Variants in MPPED2 observed in about 807,000 individuals in gnomAD.
MPPED2 encodes the protein metallophosphoesterase domain containing 2.
MPPED2 carries 5 observed loss-of-function variants against 33.0 expected under a neutral mutation model. That is an observed-to-expected ratio of 0.15 (90% CI 0.08 to 0.32). The LOEUF is 0.32. Among genes scored for constraint, MPPED2 ranks in the 10% least tolerant of loss-of-function variants. The probability of loss-of-function intolerance (pLI) is 1.00; values close to 1 mark genes in which losing one functional copy is unlikely to be tolerated. For synonymous variants in MPPED2, 136 were observed against 141.9 expected, an observed-to-expected ratio of 0.96 and a Z score of 0.29; for missense variants, 275 against 372.1, an observed-to-expected ratio of 0.74 and a Z score of 2.15.
At chr11:30,407,500 G>T (rs999658658), downstream of MPPED2, among the ~76,000 whole-genome samples, 3 of 152,142 alleles carry the variant, frequency 2.0e-5, no homozygotes, top group African/African-American at 7.2e-5. Context: ...GGCTTGTTAC[G>T]GTTCCTAAGC....
At chr11:30,541,114 A>G (rs1236194455) in intron 2 of MPPED2, among the ~76,000 whole-genome samples, 2 of 152,216 alleles carry the variant, frequency 1.3e-5, no homozygotes, top group African/African-American at 2.4e-5. Context: ...GGCCTGAGCT[A>G]TCATCTTAAA....
At chr11:30,560,421 A>G (rs1956188603) in intron 2 of MPPED2, among the ~76,000 whole-genome samples, 1 of 152,150 alleles carries the variant, frequency 6.6e-6, no homozygotes, top group South Asian at 2.1e-4. Context: ...AGTAAGCAGA[A>G]GTTGTCACAA....
intron 4 of MPPED2, among the ~76,000 whole-genome samples, chr11:30,441,909 G>A (rs1180627044): frequency 6.6e-6 from 1 of 152,190 alleles, no homozygotes; most frequent in African/African-American, 2.4e-5. Context: ...CTTCACAGGA[G>A]TGTAAGTTCC....
intron 4 of MPPED2, among the ~76,000 whole-genome samples, chr11:30,436,575 C>T (rs1196121878): frequency 6.6e-6 from 1 of 152,186 alleles, no homozygotes; most frequent in African/African-American, 2.4e-5. Context: ...AAGCACCTAC[C>T]GCACAAGGTC....
At chr11:30,473,870 C>T (rs151231248) in intron 4 of MPPED2, among the ~76,000 whole-genome samples, 8 of 152,320 alleles carry the variant, frequency 5.3e-5, no homozygotes, top group Admixed American at 2.0e-4. Context: ...TTCAGTCCAA[C>T]AACCTGTGAG....
In MPPED2 at chr11:30,505,312, C is replaced by A. The variant is rs544614643; in HGVS notation, c.311-9791G>T. Among the ~76,000 whole-genome samples the A allele has an allele frequency of 7.2e-5, 11 of 152,260 alleles. No individual in the cohort carries two copies. The South Asian group carries it at 2.1e-3, about 29-fold the overall frequency. ...ACACACGTACACACTCGCACATACT[C>A]ATTCACGCTTATATATATTTTTAAG... On this transcript the variant is annotated intron_variant, in intron 3 of 6. Coordinates refer to ENST00000358117, the MANE Select transcript of MPPED2 (RefSeq NM_001584.3).
chr11:30,520,214 TAA>T (rs982062744), intron 3 of MPPED2, among the ~76,000 whole-genome samples: 1 of 152,128 alleles, frequency 6.6e-6, no homozygotes, highest in Admixed American at 6.5e-5. Context: ...AAAAAAAATG[TAA>T]AAAATGTAAA....
chr11:30,459,310 A>G (rs1950425703), intron 4 of MPPED2, among the ~76,000 whole-genome samples: 1 of 152,204 alleles, frequency 6.6e-6, no homozygotes, highest in South Asian at 2.1e-4. Flanking sequence ...TTCTGTGCAC[A>G]ATGTTAGCAC....
chr11:30,530,005 T>G (rs757897388), intron 3 of MPPED2, among the ~76,000 whole-genome samples: 5 of 152,190 alleles, frequency 3.3e-5, no homozygotes, highest in Non-Finnish European at 5.9e-5. Context: ...AGGCCATAAT[T>G]AAAAGTTCAT....
chr11:30,434,967 GC>G (rs1159535853), intron 4 of MPPED2, among the ~76,000 whole-genome samples: 1 of 152,134 alleles, frequency 6.6e-6, no homozygotes, highest in Admixed American at 6.5e-5. Flanking sequence ...AGATTTGGTT[GC>G]CTTCAGAATC....
chr11:30,483,015 T>C (rs556722319), intron 4 of MPPED2, among the ~76,000 whole-genome samples: 1 of 152,324 alleles, frequency 6.6e-6, no homozygotes, highest in African/African-American at 2.4e-5. Context: ...ACAGTGTGAA[T>C]GTAGCAAGGC....
At chr11:30,447,277 T>C (rs1308707843) in intron 4 of MPPED2, among the ~76,000 whole-genome samples, 2 of 152,194 alleles carry the variant, frequency 1.3e-5, no homozygotes, top group African/African-American at 4.8e-5. Flanking sequence ...ACAGTCTGAT[T>C]TGATAAAAAC....
intron 3 of MPPED2, among the ~76,000 whole-genome samples, chr11:30,522,401 C>A (rs959375130): frequency 3.3e-5 from 5 of 151,452 alleles, no homozygotes; most frequent in Non-Finnish European, 7.4e-5. Flanking sequence ...CACACACACA[C>A]ACACACACAC....
At chr11:30,440,792 A>G (rs1949537264) in intron 4 of MPPED2, among the ~76,000 whole-genome samples, 1 of 152,222 alleles carries the variant, frequency 6.6e-6, no homozygotes, top group Non-Finnish European at 1.5e-5. Flanking sequence ...TGCATGAGGC[A>G]TGACTGCTTC....
chr11:30,500,832 G>A (rs1952523786), intron 3 of MPPED2, among the ~76,000 whole-genome samples: 2 of 152,130 alleles, frequency 1.3e-5, no homozygotes, highest in South Asian at 2.1e-4. Flanking sequence ...GATTTGTTGA[G>A]TAAGTGAAGG....
At chr11:30,440,121 G>A (rs1422893896) in intron 4 of MPPED2, among the ~76,000 whole-genome samples, 2 of 152,152 alleles carry the variant, frequency 1.3e-5, no homozygotes, top group African/African-American at 4.8e-5. Flanking sequence ...CCTGAGGTCA[G>A]GAGTTCAAGA....
At chr11:30,455,054 T>C (rs1268193653) in intron 4 of MPPED2, among the ~76,000 whole-genome samples, 1 of 152,242 alleles carries the variant, frequency 6.6e-6, no homozygotes, top group Admixed American at 6.5e-5. Flanking sequence ...ACTGCATAAC[T>C]GGACAGAGCA....
chr11:30,448,233 A>G (rs1590309748), intron 4 of MPPED2, among the ~76,000 whole-genome samples: 1 of 152,226 alleles, frequency 6.6e-6, no homozygotes, highest in African/African-American at 2.4e-5. Context: ...ATCAAACCCT[A>G]CGCATGTCAT....
chr11:30,563,167 C>G (rs766038306), intron 2 of MPPED2, among the ~76,000 whole-genome samples: 1 of 148,680 alleles, frequency 6.7e-6, no homozygotes, highest in Non-Finnish European at 1.5e-5. Context: ...ACTCTCCTTG[C>G]TCATTTCCTC....
Sources: allele counts gnomAD v4.1 joint callset (sites outside exome capture counted in the v4.1 genomes callset), GRCh38; gene constraint gnomAD v4.1.1; transcripts MANE v1.5; gene names NCBI Gene and HGNC (gene_info 2026-07-23, HGNC 2026-07-21).